THADA: variants seen among roughly 807,000 people sequenced by gnomAD.
The protein encoded by THADA is THADA armadillo repeat containing.
THADA carries 213 observed loss-of-function variants against 219.8 expected under a neutral mutation model. That is an observed-to-expected ratio of 0.97 (90% CI 0.87 to 1.09). The LOEUF (loss-of-function observed/expected upper bound fraction) is 1.09, where lower values mean the gene tolerates loss of function less well. Among genes scored for constraint, THADA ranks in the 50% least tolerant of loss-of-function variants. THADA has a pLI of 0.00. For missense variants in THADA, 2,956 were observed against 2,311.3 expected (o/e 1.28, Z -5.72); for synonymous variants, 1,018 against 828.9 (o/e 1.23, Z -3.92).
chr2:43,475,700 T>A (rs950164374), intron 26 of THADA, among the ~76,000 whole-genome samples: 14 of 152,244 alleles, frequency 9.2e-5, no homozygotes, highest in Admixed American at 7.2e-4. Flanking sequence ...AGTAAAGTCA[T>A]GTGTAAAGAC....
At chr2:43,415,343 G>C (rs943946279) in intron 28 of THADA, among the ~76,000 whole-genome samples, 3 of 152,196 alleles carry the variant, frequency 2.0e-5, no homozygotes, top group Non-Finnish European at 4.4e-5. Context: ...AATTACCCTA[G>C]GGGTAAAGCT....
chr2:43,566,186 C>T (rs1409448086), intron 15 of THADA: 1 of 383,246 alleles, frequency 2.6e-6, no homozygotes, highest in Non-Finnish European at 4.7e-6. Flanking sequence ...TCTTGAGAAC[C>T]ACACAGAAGG....
chr2:43,344,113 T>G lies in THADA; in HGVS notation c.4343+9A>C. The G allele has an allele frequency of 6.3e-7, 1 of 1,593,472 alleles. No homozygotes were observed. Among genetic ancestry groups the G allele is most frequent in the African/African-American group, 1.3e-5 (1 of 74,740 alleles). On this transcript the variant is annotated intron_variant, in intron 30 of 37. Transcript: ENST00000405975. ...GATAACTCCTTGCTCATGTGGGATT[T>G]TAACATACCTCTTGGCCAGCCAGAG... is the stretch of plus-strand genomic sequence containing the variant.
intron 34 of THADA, among the ~76,000 whole-genome samples, 155 bp downstream of exon 34, chr2:43,291,541 A>C (rs1290131483): frequency 1.3e-5 from 2 of 151,292 alleles, no homozygotes; most frequent in Non-Finnish European, 2.9e-5. Flanking sequence ...GTTATACTCG[A>C]ATTGAAAAAC....
chr2:43,246,215 C>T (rs898376966), intron 36 of THADA, among the ~76,000 whole-genome samples: 1 of 152,218 alleles, frequency 6.6e-6, no homozygotes. Flanking sequence ...AATCCAGAGG[C>T]TGGACGTGGT....
At chr2:43,586,655 C>A in intron 6 of THADA, 47 bp downstream of exon 6, 1 of 1,576,142 alleles carries the variant, frequency 6.3e-7, no homozygotes, top group Non-Finnish European at 8.6e-7. Context: ...CAAAATGACT[C>A]ATACAAGCCA....
chr2:43,409,758 A>G, intron 28 of THADA, among the ~76,000 whole-genome samples: 1 of 152,116 alleles, frequency 6.6e-6, no homozygotes, highest in Non-Finnish European at 1.5e-5. Context: ...GATGGCTTAC[A>G]CTTGTAATCC....
At chr2:43,318,569 C>A (rs1311953765) in intron 31 of THADA, among the ~76,000 whole-genome samples, 1 of 152,112 alleles carries the variant, frequency 6.6e-6, no homozygotes, top group East Asian at 1.9e-4. Context: ...GCTCAAGATC[C>A]ACATATGACT....
chr2:43,455,031 G>T (rs1224955638), intron 26 of THADA, among the ~76,000 whole-genome samples: 4 of 151,746 alleles, frequency 2.6e-5, no homozygotes, highest in Admixed American at 1.3e-4. Context: ...AGTTCTACAT[G>T]TTCTTAAGCT....
At chr2:43,408,299 T>A (rs1056684532) in intron 28 of THADA, 1 of 152,202 alleles carries the variant, frequency 6.6e-6, no homozygotes, top group Non-Finnish European at 1.5e-5. Flanking sequence ...AAGTATAGTA[T>A]TGATTTTGTG....
chr2:43,417,041 T>TC (rs1222869649), intron 28 of THADA, among the ~76,000 whole-genome samples: 194 of 145,810 alleles, frequency 1.3e-3, no homozygotes, highest in African/African-American at 4.8e-3. Flanking sequence ...TGTTTTCTTT[T>TC]TTTTTTTTTT....
intron 30 of THADA, among the ~76,000 whole-genome samples, chr2:43,336,487 G>T (rs528115338): frequency 2.0e-5 from 3 of 151,918 alleles, no homozygotes; most frequent in Non-Finnish European, 2.9e-5. Flanking sequence ...GGCCAGGCTG[G>T]TCTTGAACTC....
rs1696472333 is a variant in THADA, at chr2:43,549,320, T to A, written c.2996A>T (p.Asp999Val). ...GGCTTGGTTAAAATAATCATTAGTA[T>A]CTCGAGGCTGAATCTCATTCAGAAT... ...QMILNEIQPR[D>V]TNDYFNQAKI... Residue 999 changes from aspartate to valine, a missense_variant, in exon 20 of 38, where the codon GAT (aspartate) becomes GTT (valine). Coordinates refer to ENST00000405975, the MANE Select transcript of THADA (RefSeq NM_022065.5). 6.2e-7 allele frequency: 1 copy of A among 1,602,650 alleles called. No homozygotes were observed. Among genetic ancestry groups the A allele is most frequent in the South Asian group, 1.1e-5 (1 of 88,482 alleles).
At chr2:43,377,114 T>G (rs1292986104) in intron 29 of THADA, among the ~76,000 whole-genome samples, 3 of 152,146 alleles carry the variant, frequency 2.0e-5, no homozygotes, top group African/African-American at 4.8e-5. Flanking sequence ...AAGGCGGCTG[T>G]GGGGAGTTGG....
At chr2:43,541,988 G>C (rs754469240) in intron 20 of THADA, among the ~76,000 whole-genome samples, 6 of 152,070 alleles carry the variant, frequency 3.9e-5, no homozygotes, top group Non-Finnish European at 8.8e-5. Flanking sequence ...TAAAGGAGTA[G>C]AATATAACTT....
At chr2:43,238,613 A>C (rs1668306195) in intron 36 of THADA, among the ~76,000 whole-genome samples, 1 of 152,226 alleles carries the variant, frequency 6.6e-6, no homozygotes, top group South Asian at 2.1e-4. Flanking sequence ...CTAGGAGTGT[A>C]TCTAAGAGAG....
chr2:43,377,880 G>A (rs1179184768), intron 29 of THADA, among the ~76,000 whole-genome samples: 3 of 152,146 alleles, frequency 2.0e-5, no homozygotes, highest in Non-Finnish European at 4.4e-5. Flanking sequence ...CCTTGGGAAA[G>A]GCACCAGACA....
chr2:43,558,480 C>T (rs1354519878), intron 16 of THADA, among the ~76,000 whole-genome samples: 1 of 152,116 alleles, frequency 6.6e-6, no homozygotes, highest in Non-Finnish European at 1.5e-5. Context: ...AATCAGTGGA[C>T]TGGGAAAGGC....
intron 8 of THADA, among the ~76,000 whole-genome samples, chr2:43,579,678 T>A (rs1329864320): frequency 6.6e-6 from 1 of 152,190 alleles, no homozygotes; most frequent in East Asian, 1.9e-4. Flanking sequence ...TTTAAGCCAG[T>A]CACTTGAGTA....
Sources: gnomAD v4.1 joint callset for allele counts (sites outside exome capture counted in the v4.1 genomes callset) on GRCh38, gnomAD v4.1.1 for gene constraint, MANE v1.5 for transcripts, NCBI Gene and HGNC (gene_info 2026-07-23, HGNC 2026-07-21) for gene names.